Variants in ADGRG6 observed in about 807,000 individuals in gnomAD.
The protein encoded by ADGRG6 is G-protein coupled receptor 126.
In ADGRG6, 84 loss-of-function variants were observed where a neutral mutation model predicts 142.4. The ratio of observed to expected loss-of-function variants is 0.59; its 90% CI spans 0.49 to 0.71. The LOEUF is 0.71. Among genes scored for constraint, ADGRG6 ranks in the 30% least tolerant of loss-of-function variants. The pLI is 0.00. For synonymous variants in ADGRG6, 521 were observed against 520.5 expected (o/e 1.00, Z -0.01); for missense variants, 1,367 against 1,466.6 (o/e 0.93, Z 1.11).
intron 24 of ADGRG6, among the ~76,000 whole-genome samples, chr6:142,441,264 G>C (rs560846179): frequency 2.6e-5 from 4 of 152,276 alleles, no homozygotes; most frequent in African/African-American, 9.6e-5. Flanking sequence ...ATTTGTTGTA[G>C]AAGGACATGA....
chr6:142,333,521 GT>G (rs34501968), intron 2 of ADGRG6, among the ~76,000 whole-genome samples: 1 of 151,896 alleles, frequency 6.6e-6, no homozygotes, highest in Non-Finnish European at 1.5e-5. Flanking sequence ...ACTTAAAAAA[GT>G]TTTTTTTAGT....
Position 142,302,396 on chromosome 6 carries a change from C to G in ADGRG6, c.2+65C>G, listed in dbSNP as rs1777268300. The stretch of plus-strand genomic sequence containing the variant: ...TATCTGTGTCCACCTTCTGTCGCCC[C>G]CTCCCCGACCACCCCACCCTCAAGA... On this transcript the variant is annotated intron_variant, in intron 1 of 24. Transcript: ENST00000367609. 5.2e-6 allele frequency: 8 copies of G among 1,525,792 alleles called. No individual in the cohort carries two copies. The Admixed American group carries it at 1.2e-4, about 24-fold the overall frequency. 94.5% of individuals were successfully genotyped at this position (1,525,792 alleles called of 1,614,324 possible).
intron 17 of ADGRG6, 111 bp downstream of exon 17, chr6:142,410,030 T>C (rs1229812100): frequency 2.2e-6 from 1 of 457,472 alleles, no homozygotes; most frequent in Non-Finnish European, 4.0e-6. Context: ...AGTCACAATG[T>C]AAGTGTAAAT....
At chr6:142,302,374 C>A in intron 1 of ADGRG6, 43 bp downstream of exon 1, 2 of 1,605,018 alleles carry the variant, frequency 1.2e-6, no homozygotes, top group Non-Finnish European at 1.7e-6. Flanking sequence ...ACTCTTTTAT[C>A]TGTGTCCACC....
chr6:142,432,838 C>T (rs78036269), intron 22 of ADGRG6, among the ~76,000 whole-genome samples: 5,909 of 152,192 alleles, frequency 0.039, 232 homozygotes, highest in Middle Eastern at 0.11. Context: ...CTCAAAACAC[C>T]AGACACAACC....
chr6:142,345,389 G>A (rs1430125125), intron 2 of ADGRG6, among the ~76,000 whole-genome samples: 1 of 152,004 alleles, frequency 6.6e-6, no homozygotes, highest in African/African-American at 2.4e-5. Context: ...TCTACATGAT[G>A]AAAATACTAA....
intron 22 of ADGRG6, among the ~76,000 whole-genome samples, chr6:142,422,695 G>A (rs369369634): frequency 1.3e-5 from 2 of 148,410 alleles, no homozygotes; most frequent in Non-Finnish European, 3.0e-5. Flanking sequence ...TGGGATGGCT[G>A]GGTCAAATGG....
chr6:142,378,063 G>A (rs1388146324), intron 4 of ADGRG6, among the ~76,000 whole-genome samples: 5 of 152,170 alleles, frequency 3.3e-5, no homozygotes, highest in African/African-American at 1.2e-4. Context: ...AGTAATTGTT[G>A]CAGTTTCCCA....
chr6:142,423,045 A>G (rs1381667566), intron 22 of ADGRG6, among the ~76,000 whole-genome samples: 1 of 151,080 alleles, frequency 6.6e-6, no homozygotes, highest in East Asian at 2.0e-4. Context: ...GTTTGAGTTC[A>G]TTGTAGATTC....
chr6:142,408,050 T>C, intron 15 of ADGRG6, 100 bp from the exon 16 acceptor site: 2 of 768,276 alleles, frequency 2.6e-6, no homozygotes, highest in Non-Finnish European at 4.1e-6. Context: ...ACTGAAGATC[T>C]TAAGTGTAAA....
intron 14 of ADGRG6, chr6:142,404,255 G>A: frequency 2.7e-6 from 1 of 367,182 alleles, no homozygotes; most frequent in Non-Finnish European, 4.9e-6. Context: ...GTGAGCATCA[G>A]TTCAGTTAGA....
chr6:142,415,186 C>G lies in ADGRG6; in HGVS notation c.2669+90C>G, dbSNP rs77124013. On this transcript the variant is annotated intron_variant, in intron 19 of 24. Coordinates refer to ENST00000367609, the MANE Select transcript of ADGRG6 (RefSeq NM_198569.3). ...CTCGGCTTTGAAAAACATTTATACA[C>G]TGTAGGGTGGTTGAACGTTAATGTT... 5.8e-6 allele frequency: 5 copies of G among 861,700 alleles called. No homozygotes were observed. In the East Asian group the frequency reaches 1.1e-4, roughly 19 times the overall value. 53.4% of individuals were successfully genotyped at this position (861,700 alleles called of 1,614,324 possible).
At position 142,414,733 on chromosome 6, in the gene ADGRG6, G is replaced by T. The variant is rs13437156; in HGVS notation, c.2542-236G>T. On this transcript the variant is annotated intron_variant, in intron 18 of 24. Coordinates refer to ENST00000367609, the MANE Select transcript of ADGRG6 (RefSeq NM_198569.3). The stretch of plus-strand genomic sequence containing the variant: ...ACCGGTTTGCAGAAAGCTTGGGAAA[G>T]AAGGTAATGATGAAAAACAATGTGT... 0.018 allele frequency among the ~76,000 whole-genome samples: 2,741 copies of T among 152,288 alleles called. 88 individuals carry two copies. The highest frequency in any genetic ancestry group is 0.063 in the African/African-American group (2,607 of 41,550).
At chr6:142,400,875 T>C (rs1357648052) in intron 11 of ADGRG6, 2 of 278,356 alleles carry the variant, frequency 7.2e-6, no homozygotes, top group Admixed American at 4.8e-5. Flanking sequence ...AAGTACCTTG[T>C]ATGTGGATGA....
rs750842485 is a variant in ADGRG6, at chr6:142,411,413, TA to T, written c.2541+4del. ...TTCACACACTTTGGAGTTCTGATGG[TA>T]AGGGGGGAATTTCTAAGCTCATTTT... On this transcript the variant is annotated splice_donor_region_variant and intron_variant, in intron 18 of 24. Coordinates refer to ENST00000367609, the MANE Select transcript of ADGRG6 (RefSeq NM_198569.3). 1 of 1,452,216 alleles carries T rather than the reference TA, an allele frequency of 6.9e-7. No individual in the cohort carries two copies. Among genetic ancestry groups the T allele is most frequent in the East Asian group, 2.3e-5 (1 of 44,126 alleles). The allele number at this position is 1,452,216 out of a possible 1,614,324, so 90.0% of individuals were successfully genotyped here.
At position 142,415,802 on chromosome 6, in the gene ADGRG6, G is replaced by A. The variant is rs1259643575; in HGVS notation, c.2676G>A (p.Leu892=). The A allele has an allele frequency of 1.2e-6, 2 of 1,607,972 alleles. No homozygotes were observed. Among genetic ancestry groups the A allele is most frequent in the Admixed American group, 1.7e-5 (1 of 59,752 alleles). ...TCCTTTTTTCATTTTTTAGGAAATTGCGAAGGGATTATCCCTCCAAAATCT... is the reference window on the plus strand; with the variant it reads ...TCCTTTTTTCATTTTTTAGGAAATTACGAAGGGATTATCCCTCCAAAATCT... ...TLLTYVAFEK[L]RRDYPSKILM... Residue 892 remains leucine, a synonymous_variant, in exon 20 of 25, where the codon TTG becomes TTA. Transcript: ENST00000367609.
chr6:142,383,929 A>C, intron 6 of ADGRG6, 86 bp downstream of exon 6: 1 of 723,448 alleles, frequency 1.4e-6, no homozygotes, highest in Non-Finnish European at 2.4e-6. Flanking sequence ...TATTCCAACA[A>C]AGTGTCTGTT....
At chr6:142,357,862 T>C (rs1780529350) in intron 2 of ADGRG6, among the ~76,000 whole-genome samples, 1 of 152,176 alleles carries the variant, frequency 6.6e-6, no homozygotes. Context: ...AAGTAGGGGC[T>C]CAGTAAGTTA....
In ADGRG6 at chr6:142,443,692, TG is replaced by T. The variant is rs1393733954; in HGVS notation, c.*179del. The T allele has an allele frequency of 4.1e-6, 2 of 493,266 alleles. No homozygotes were observed. Among genetic ancestry groups the T allele is most frequent in the African/African-American group, 2.0e-5 (1 of 50,122 alleles). 30.6% of individuals were successfully genotyped at this position (493,266 alleles called of 1,614,324 possible). On this transcript the variant is annotated 3_prime_UTR_variant, in exon 25 of 25. Coordinates refer to ENST00000367609, the MANE Select transcript of ADGRG6 (RefSeq NM_198569.3). ...TTTTCTTTTTAATATATTTCTTCCA[TG>T]GAAGAGTTGTCATCACTAAAACTTC...
Sources: gnomAD v4.1 joint callset for allele counts (sites outside exome capture counted in the v4.1 genomes callset) on GRCh38, gnomAD v4.1.1 for gene constraint, MANE v1.5 for transcripts, NCBI Gene and HGNC (gene_info 2026-07-23, HGNC 2026-07-21) for gene names.